The following EPB41L1 variants were observed in gnomAD, a reference collection of about 807,000 sequenced individuals.
EPB41L1 encodes erythrocyte membrane protein band 4.1 like 1.
EPB41L1 carries 29 observed loss-of-function variants against 97.8 expected under a neutral mutation model. That is an observed-to-expected ratio of 0.30 (90% CI 0.22 to 0.40). The LOEUF (loss-of-function observed/expected upper bound fraction) is 0.40. Ranked by LOEUF, EPB41L1 falls within the 10% of genes least tolerant of loss-of-function variation. The pLI, the probability that EPB41L1 is intolerant of heterozygous loss-of-function variation, is 1.00. For missense variants in EPB41L1, 812 were observed against 1,162.3 expected (o/e 0.70, Z 4.38); for synonymous variants, 383 against 459.2 (o/e 0.83, Z 2.12).
chr20:36,142,632 C>T (rs1049400914), intron 2 of EPB41L1, among the ~76,000 whole-genome samples: 18 of 152,128 alleles, frequency 1.2e-4, no homozygotes, highest in African/African-American at 3.9e-4. Context: ...ACGGATTGGG[C>T]GGAGGGAGGC....
intron 2 of EPB41L1, chr20:36,125,661 A>G (rs985901004): frequency 5.5e-4 from 764 of 1,387,026 alleles, no homozygotes; most frequent in Non-Finnish European, 6.5e-4. Flanking sequence ...AGGCAAGTGG[A>G]GTGGCAGGTG....
In EPB41L1 at chr20:36,173,822, G is replaced by A; in HGVS notation, c.45G>A (p.Gln15=). Residue 15 remains glutamine, a synonymous_variant, in exon 2 of 22, where the codon CAG becomes CAA. Coordinates refer to ENST00000338074, the MANE Select transcript of EPB41L1 (RefSeq NM_012156.2). The part of the protein sequence containing the change: ...TGPDSEVKKA[Q]EEAPQQPEAA... The stretch of plus-strand genomic sequence containing the variant: ...CCGACTCTGAGGTGAAGAAAGCTCA[G>A]GAGGAGGCCCCGCAGCAGCCCGAGG... 3 of 1,614,144 alleles carry A rather than the reference G, an allele frequency of 1.9e-6. No homozygotes were observed. Among genetic ancestry groups the A allele is most frequent in the Non-Finnish European group, 2.5e-6 (3 of 1,180,026 alleles).
At chr20:36,208,468 C>T (rs372820228) in intron 14 of EPB41L1, 24 of 314,280 alleles carry the variant, frequency 7.6e-5, no homozygotes, top group African/African-American at 4.2e-4. Context: ...CAGGATGCAT[C>T]GCCGCCTTAG....
rs1380796676 is a variant in EPB41L1, at chr20:36,166,763, G to A, written c.-14-7001G>A. On this transcript the variant is annotated intron_variant, in intron 1 of 21. Coordinates refer to ENST00000338074, the MANE Select transcript of EPB41L1 (RefSeq NM_012156.2). ...ACCTGTAGTCCCACCTACTGGGGAGGCCAAGGCAGGAGAATTGCTTGAACC... is the reference window on the plus strand; with the variant it reads ...ACCTGTAGTCCCACCTACTGGGGAGACCAAGGCAGGAGAATTGCTTGAACC... Among the ~76,000 whole-genome samples, 7 of 152,132 alleles carry A rather than the reference G, an allele frequency of 4.6e-5. No individual in the cohort carries two copies. In the East Asian group the frequency reaches 1.2e-3, roughly 25 times the overall value.
At chr20:36,196,248 G>T (rs2062196044) in intron 13 of EPB41L1, among the ~76,000 whole-genome samples, 1 of 152,184 alleles carries the variant, frequency 6.6e-6, no homozygotes, top group South Asian at 2.1e-4. Flanking sequence ...TCAGGCCCCA[G>T]TCCCCTGTCT....
chr20:36,223,913 G>A (rs2063942722), intron 21 of EPB41L1, among the ~76,000 whole-genome samples: 2 of 152,094 alleles, frequency 1.3e-5, no homozygotes, highest in Admixed American at 1.3e-4. Context: ...CCATCTCAAA[G>A]ACCCCACAAA....
chr20:36,174,981 T>C (rs1802841216), intron 2 of EPB41L1, among the ~76,000 whole-genome samples: 1 of 152,144 alleles, frequency 6.6e-6, no homozygotes, highest in South Asian at 2.1e-4. Context: ...GCCCTAAAGC[T>C]ACAACAGACT....
At position 36,209,606 on chromosome 20, in the gene EPB41L1, A is replaced by G; in HGVS notation, c.1787A>G (p.Asp596Gly). The G allele has an allele frequency of 6.2e-7, 1 of 1,614,142 alleles. No individual in the cohort carries two copies. Among genetic ancestry groups the G allele is most frequent in the Non-Finnish European group, 8.5e-7 (1 of 1,180,020 alleles). ...GAGAGGGACACGGTGTTCCTGAAGG[A>G]CAACCACCTGGCCATTGAGCGCAAG... ...DQERDTVFLK[D>G]NHLAIERKCS... Residue 596 changes from aspartate (D) to glycine (G), a missense_variant, in exon 15 of 22, where the codon GAC (aspartate) becomes GGC (glycine). Physicochemically the swap from Asp to Gly is moderately conservative, Grantham distance 94. Around this residue, in one of 3 missense-constraint regions of EPB41L1, gnomAD observed 498 missense variants for 622.7 expected, o/e 0.80. Transcript: ENST00000338074. The surrounding 1 kb of genome is among the most constrained non-coding windows in gnomAD (Gnocchi z 4.2).
At chr20:36,176,403 A>G (rs1569212596) in intron 3 of EPB41L1, among the ~76,000 whole-genome samples, 1 of 152,074 alleles carries the variant, frequency 6.6e-6, no homozygotes, top group Non-Finnish European at 1.5e-5. Context: ...GTGAGCCCTT[A>G]GAGGTTCTAT....
At chr20:36,119,158 A>G (rs2058674048) in intron 2 of EPB41L1, among the ~76,000 whole-genome samples, 1 of 152,210 alleles carries the variant, frequency 6.6e-6, no homozygotes, top group African/African-American at 2.4e-5. Context: ...CTAATCACAC[A>G]TGACTATGGT....
chr20:36,101,238 A>T (rs1338436861), intron 1 of EPB41L1, among the ~76,000 whole-genome samples: 3 of 152,034 alleles, frequency 2.0e-5, no homozygotes, highest in Admixed American at 2.0e-4. Flanking sequence ...CCACCAGAAG[A>T]AAAAAAGGAG....
chr20:36,118,032 A>G (rs2058640032), intron 2 of EPB41L1, among the ~76,000 whole-genome samples: 1 of 152,220 alleles, frequency 6.6e-6, no homozygotes, highest in African/African-American at 2.4e-5. Flanking sequence ...GGGATGTTGG[A>G]TGAATGGGTT....
chr20:36,111,962 C>T, intron 1 of EPB41L1, among the ~76,000 whole-genome samples: 1 of 152,094 alleles, frequency 6.6e-6, no homozygotes, highest in Admixed American at 6.5e-5. Context: ...CCCTTCTCCC[C>T]ATACATCTAG....
intron 1 of EPB41L1, among the ~76,000 whole-genome samples, chr20:36,100,527 G>A (rs2057977871): frequency 1.3e-5 from 2 of 152,132 alleles, no homozygotes; most frequent in South Asian, 2.1e-4. Flanking sequence ...TGTGCTAAGC[G>A]CTTTACATGC....
chr20:36,212,273 C>T lies in EPB41L1; in HGVS notation c.2081C>T (p.Pro694Leu), dbSNP rs766860813. 6.2e-7 allele frequency: 1 copy of T among 1,614,124 alleles called. No individual in the cohort carries two copies. Among genetic ancestry groups the T allele is most frequent in the Admixed American group, 1.7e-5 (1 of 60,026 alleles). The change falls in exon 16 of 22, where the codon CCC becomes CTC. Residue 694 changes from proline to leucine, a missense_variant and splice_region_variant. By Grantham distance (98) the Pro-to-Leu change is moderately conservative (BLOSUM62 -3). This residue lies in a region of EPB41L1 where 498 missense variants were observed against 622.7 expected (regional missense o/e 0.80). Coordinates refer to ENST00000338074, the MANE Select transcript of EPB41L1 (RefSeq NM_012156.2). This position sits in a 1 kb window ranked among gnomAD's most constrained non-coding sequence, Gnocchi z 4.8. ...CSTPDMPQFE[P>L]VKTETMTVSS... Reference sequence around the variant, plus strand: ...GCATTCTCCCTCCTTTTCCTACAGCCCGTGAAAACAGAAACCATGACTGTC... The same window carrying T: ...GCATTCTCCCTCCTTTTCCTACAGCTCGTGAAAACAGAAACCATGACTGTC...
intron 5 of EPB41L1, 87 bp downstream of exon 5, chr20:36,178,759 T>C: frequency 2.1e-6 from 3 of 1,411,722 alleles, no homozygotes; most frequent in Non-Finnish European, 3.0e-6. Context: ...TCTCCTCCTT[T>C]GGAAAGTGCA....
intron 2 of EPB41L1, among the ~76,000 whole-genome samples, chr20:36,141,889 C>G (rs939174122): frequency 1.3e-5 from 2 of 152,114 alleles, no homozygotes; most frequent in African/African-American, 4.8e-5. Context: ...GGACAGATCA[C>G]TTGAGGTCAG....
At chr20:36,126,347 A>C (rs1463138524) in intron 2 of EPB41L1, among the ~76,000 whole-genome samples, 1 of 150,850 alleles carries the variant, frequency 6.6e-6, no homozygotes, top group African/African-American at 2.4e-5. Flanking sequence ...ACAAAAAGGC[A>C]GTTCCAGTTA....
intron 1 of EPB41L1, among the ~76,000 whole-genome samples, chr20:36,099,365 T>C (rs1316880145): frequency 6.6e-6 from 1 of 152,186 alleles, no homozygotes; most frequent in Non-Finnish European, 1.5e-5. Context: ...AATCTTGCTT[T>C]ACTTTCCTCA....
Sources: gnomAD v4.1 joint callset for allele counts (sites outside exome capture counted in the v4.1 genomes callset) on GRCh38, gnomAD v4.1.1 for gene constraint, gnomAD v4.1.1 regional missense constraint, Gnocchi (gnomAD v3.1) non-coding constraint, MANE v1.5 for transcripts, NCBI Gene and HGNC (gene_info 2026-07-23, HGNC 2026-07-21) for gene names.